Variants in JMJD1C observed in about 807,000 individuals in gnomAD.
The protein encoded by JMJD1C is jumonji domain containing 1C, also known as jumonji domain-containing protein 1C.
A neutral mutation model predicts 245.3 loss-of-function variants in JMJD1C; 31 were observed. The ratio of observed to expected loss-of-function variants is 0.13; its 90% confidence interval spans 0.09 to 0.17. The LOEUF (loss-of-function observed/expected upper bound fraction) is 0.17. JMJD1C is among the 10% of genes least tolerant of loss of function. JMJD1C has a pLI of 1.00. For synonymous variants in JMJD1C, 1,057 were observed against 1,017.4 expected (o/e 1.04, Z -0.74); for missense variants, 2,691 against 3,000.2 (o/e 0.90, Z 2.41).
Position 63,435,572 on chromosome 10 carries a change from T to C in JMJD1C, c.168+29923A>G, listed in dbSNP as rs554442086. On this transcript the variant is annotated intron_variant, in intron 1 of 25. Coordinates refer to ENST00000399262, the MANE Select transcript of JMJD1C (RefSeq NM_032776.3). Reference sequence around the variant, plus strand: ...TTCTACCGGCTCACAGTGTCCCACATAGTGACTCCTGAATTCCAGTTGAAA... The same window carrying C: ...TTCTACCGGCTCACAGTGTCCCACACAGTGACTCCTGAATTCCAGTTGAAA... 1.1e-3 allele frequency among the ~76,000 whole-genome samples: 169 copies of C among 152,186 alleles called. 8 individuals carry two copies. The South Asian group carries it at 0.034, about 31-fold the overall frequency.
chr10:63,283,892 CTGACAA>C (rs1326313046), intron 2 of JMJD1C, among the ~76,000 whole-genome samples: 2 of 152,082 alleles, frequency 1.3e-5, no homozygotes, highest in African/African-American at 4.8e-5. Flanking sequence ...TTTTTCTACT[CTGACAA>C]TAAGAAAAGC....
intron 3 of JMJD1C, among the ~76,000 whole-genome samples, chr10:63,251,704 T>A (rs975895387): frequency 5.9e-5 from 9 of 152,224 alleles, no homozygotes; most frequent in Admixed American, 5.9e-4. Flanking sequence ...GTATGCCACA[T>A]AAATACTTTG....
chr10:63,311,031 A>G (rs1939112037), intron 2 of JMJD1C, among the ~76,000 whole-genome samples: 1 of 152,082 alleles, frequency 6.6e-6, no homozygotes, highest in African/African-American at 2.4e-5. Flanking sequence ...AGAAAACCAC[A>G]CTGGAGAGAT....
At chr10:63,317,709 G>A (rs59141484) in intron 2 of JMJD1C, among the ~76,000 whole-genome samples, 1 of 152,110 alleles carries the variant, frequency 6.6e-6, no homozygotes, top group Admixed American at 6.5e-5. Context: ...AATGCCAATG[G>A]TGCATACATA....
At chr10:63,174,549 G>A (rs76228113) in intron 24 of JMJD1C, among the ~76,000 whole-genome samples, 3,228 of 151,834 alleles carry the variant, frequency 0.021, 111 homozygotes, top group African/African-American at 0.072. Context: ...AAGTGCAAGA[G>A]GATGCCGAGC....
At chr10:63,392,846 A>G (rs1290218130) in intron 1 of JMJD1C, among the ~76,000 whole-genome samples, 14 of 141,758 alleles carry the variant, frequency 9.9e-5, no homozygotes, top group Admixed American at 1.5e-4. Context: ...AAAAAAAAAA[A>G]GGTGGGCAAA....
Position 63,244,819 on chromosome 10 carries a change from G to C in JMJD1C, c.447+19832C>G, listed in dbSNP as rs1044250220. Among the ~76,000 whole-genome samples the C allele has an allele frequency of 2.3e-4, 34 of 146,162 alleles. No homozygotes were observed. In the South Asian group the frequency reaches 5.5e-3, roughly 24 times the overall value. On this transcript the variant is annotated intron_variant, in intron 3 of 25. Coordinates refer to ENST00000399262, the MANE Select transcript of JMJD1C (RefSeq NM_032776.3). Reference sequence around the variant, plus strand: ...AACACTCCTTCTCTTAAAAAAAAAGGGGGGGGGAGGGGGGAGAACAATTAA... The same window carrying C: ...AACACTCCTTCTCTTAAAAAAAAAGCGGGGGGGAGGGGGGAGAACAATTAA...
chr10:63,448,744 A>G (rs1951856563), intron 1 of JMJD1C, among the ~76,000 whole-genome samples: 1 of 152,234 alleles, frequency 6.6e-6, no homozygotes, highest in South Asian at 2.1e-4. Context: ...GAACTCTATA[A>G]AAGGTCTACA....
intron 1 of JMJD1C, among the ~76,000 whole-genome samples, chr10:63,384,069 T>C (rs1372470502): frequency 1.3e-5 from 2 of 152,176 alleles, no homozygotes; most frequent in African/African-American, 4.8e-5. Context: ...TAGTATTCAG[T>C]TCTATTTCAA....
chr10:63,281,359 CCATGTCGGCCAGA>C (rs201598907), intron 2 of JMJD1C, among the ~76,000 whole-genome samples: 11,179 of 148,142 alleles, frequency 0.075, 640 homozygotes, highest in East Asian at 0.28. Flanking sequence ...TGGGGTTTCA[CCATGTCGGCCAGA>C]CTGGTTTTGA....
At position 63,296,013 on chromosome 10, in the gene JMJD1C, A is replaced by ATAT. The variant is rs71025149; in HGVS notation, c.334-31250_334-31249insATA. Among the ~76,000 whole-genome samples the ATAT allele has an allele frequency of 4.6e-4, 39 of 84,272 alleles. 2 individuals carry two copies. Among genetic ancestry groups the ATAT allele is most frequent in the East Asian group, 1.4e-3 (4 of 2,878 alleles). The allele number at this position is 84,272 out of a possible 152,430, so 55.3% of individuals were successfully genotyped here. On this transcript the variant is annotated intron_variant, in intron 2 of 25. Coordinates refer to ENST00000399262, the MANE Select transcript of JMJD1C (RefSeq NM_032776.3). Reference sequence around the variant, plus strand: ...TGTGTGTGTGTGTGTGTATATATATATTTTTTTTTTTTTCTTAGATGGAGT... The same window carrying ATAT: ...TGTGTGTGTGTGTGTGTATATATATATATTTTTTTTTTTTTTCTTAGATGGAGT...
At chr10:63,170,371 T>C (rs2132737495) in intron 24 of JMJD1C, among the ~76,000 whole-genome samples, 1 of 152,310 alleles carries the variant, frequency 6.6e-6, no homozygotes, top group South Asian at 2.1e-4. Flanking sequence ...CAATGGGTAA[T>C]CATATTCTCT....
chr10:63,212,934 T>A (rs953173086), intron 8 of JMJD1C, among the ~76,000 whole-genome samples: 7 of 151,330 alleles, frequency 4.6e-5, no homozygotes, highest in Admixed American at 4.6e-4. Flanking sequence ...ACACCTGTAA[T>A]CCCAGCACTT....
intron 1 of JMJD1C, among the ~76,000 whole-genome samples, chr10:63,429,770 T>C (rs1398293283): frequency 1.3e-5 from 2 of 152,366 alleles, no homozygotes; most frequent in East Asian, 3.9e-4. Context: ...ATTATAGCAC[T>C]ATATTACTAC....
intron 2 of JMJD1C, chr10:63,269,130 C>T (rs993029648): frequency 1.0e-6 from 1 of 985,492 alleles, no homozygotes; most frequent in Non-Finnish European, 1.2e-6. Flanking sequence ...AACAGCCATC[C>T]ATCAGCTGGA....
intron 1 of JMJD1C, among the ~76,000 whole-genome samples, chr10:63,450,990 T>C (rs920458194): frequency 4.7e-5 from 7 of 147,654 alleles, no homozygotes; most frequent in Admixed American, 4.7e-4. Context: ...TCAACACAGA[T>C]AAATCAGTTG....
rs1295474368 is a variant in JMJD1C at position 63,229,170 on chromosome 10, TA to T, written c.448-9188del. 3.3e-5 allele frequency among the ~76,000 whole-genome samples: 5 copies of T among 151,994 alleles called. 1 individual carries two copies. In the South Asian group the frequency reaches 8.3e-4, roughly 25 times the overall value. On this transcript the variant is annotated intron_variant, in intron 3 of 25. Coordinates refer to ENST00000399262, the MANE Select transcript of JMJD1C (RefSeq NM_032776.3). ...ATATAAATATAAATAAATACTTTTT[TA>T]AAAAAAAGGAAACATATTAAAAGAT... is the stretch of plus-strand genomic sequence containing the variant.
intron 24 of JMJD1C, among the ~76,000 whole-genome samples, chr10:63,174,699 G>A (rs1383721119): frequency 6.6e-6 from 1 of 152,100 alleles, no homozygotes; most frequent in African/African-American, 2.4e-5. Context: ...CAGGCGTGGT[G>A]GTGCATGCCT....
At chr10:63,462,821 A>T (rs1462611153) in intron 1 of JMJD1C, among the ~76,000 whole-genome samples, 1 of 152,226 alleles carries the variant, frequency 6.6e-6, no homozygotes, top group Non-Finnish European at 1.5e-5. Context: ...CTTATTTGTG[A>T]TCTCCAGAAC....
Sources: allele counts gnomAD v4.1 joint callset (sites outside exome capture counted in the v4.1 genomes callset), GRCh38; gene constraint gnomAD v4.1.1; transcripts MANE v1.5; gene names NCBI Gene and HGNC (gene_info 2026-07-23, HGNC 2026-07-21).